LOC128462377: variants seen among roughly 807,000 people sequenced by gnomAD.
chr16:89,327,851 C>G, the LOC128462377 span, among the ~76,000 whole-genome samples: 1 of 152,112 alleles, frequency 6.6e-6, no homozygotes, highest in East Asian at 1.9e-4. Context: ...GACATGGCAA[C>G]AAAAGCACAA....
the LOC128462377 span, among the ~76,000 whole-genome samples, chr16:89,330,976 C>CA: frequency 4.9e-4 from 74 of 152,324 alleles, no homozygotes; most frequent in African/African-American, 1.7e-3. Context: ...TTTCTTGAGA[C>CA]GGAGTCTCAC....
At chr16:89,388,293 ATT>A in the LOC128462377 span, among the ~76,000 whole-genome samples, 660 of 85,266 alleles carry the variant, frequency 7.7e-3, 8 homozygotes, top group African/African-American at 0.026. Context: ...CATGAGGCTG[ATT>A]TTTTTTTTTT....
the LOC128462377 span, among the ~76,000 whole-genome samples, chr16:89,357,617 G>A: frequency 1.3e-5 from 2 of 152,162 alleles, no homozygotes; most frequent in South Asian, 4.1e-4. Flanking sequence ...AAACCCGAGT[G>A]TCCCCTGGCG....
At chr16:89,324,008 T>C in the LOC128462377 span, 131,537 of 213,912 alleles carry the variant, frequency 0.61, 41,340 homozygotes, top group Middle Eastern at 0.73. Flanking sequence ...ACCCCCAGTG[T>C]GCCCAGCTAC....
chr16:89,351,158 G>A, the LOC128462377 span, among the ~76,000 whole-genome samples: 3 of 152,214 alleles, frequency 2.0e-5, no homozygotes, highest in African/African-American at 4.8e-5. Flanking sequence ...ACAAGAGCTC[G>A]TCAAGAGCAC....
At chr16:89,398,211 T>C in the LOC128462377 span, among the ~76,000 whole-genome samples, 60 of 141,754 alleles carry the variant, frequency 4.2e-4, no homozygotes, top group African/African-American at 8.7e-4. Flanking sequence ...CAGCTGAAGA[T>C]TACCTGTGAC....
At chr16:89,346,672 G>T in the LOC128462377 span, among the ~76,000 whole-genome samples, 12 of 152,140 alleles carry the variant, frequency 7.9e-5, no homozygotes, top group African/African-American at 2.9e-4. Flanking sequence ...TAGGAATTTC[G>T]AATATTCAAA....
chr16:89,356,311 C>T, the LOC128462377 span, among the ~76,000 whole-genome samples: 5 of 151,702 alleles, frequency 3.3e-5, no homozygotes, highest in Admixed American at 1.3e-4. Context: ...TCCAGAGACA[C>T]GCACAGTTCT....
chr16:89,404,829 G>A, the LOC128462377 span, among the ~76,000 whole-genome samples: 3 of 152,222 alleles, frequency 2.0e-5, no homozygotes, highest in East Asian at 1.9e-4. Flanking sequence ...CCACCTTGAC[G>A]CTGAATGTAC....
At chr16:89,387,021 G>A in the LOC128462377 span, among the ~76,000 whole-genome samples, 2 of 152,006 alleles carry the variant, frequency 1.3e-5, no homozygotes, top group South Asian at 2.1e-4. Context: ...GAGGCCGCCC[G>A]TGGTGACAGG....
the LOC128462377 span, among the ~76,000 whole-genome samples, chr16:89,395,066 C>T: frequency 1.3e-5 from 2 of 152,156 alleles, no homozygotes; most frequent in East Asian, 3.8e-4. Context: ...TTTGGAAAAA[C>T]AAAGACAAAT....
the LOC128462377 span, among the ~76,000 whole-genome samples, chr16:89,388,840 CA>C: frequency 6.6e-6 from 1 of 152,162 alleles, no homozygotes; most frequent in African/African-American, 2.4e-5. Context: ...ATGATGAACC[CA>C]AAACTGAACC....
the LOC128462377 span, among the ~76,000 whole-genome samples, chr16:89,351,128 G>A: frequency 2.2e-4 from 34 of 152,312 alleles, no homozygotes; most frequent in African/African-American, 5.5e-4. Context: ...GAGAATGCAC[G>A]GGAGTGGACG....
the LOC128462377 span, among the ~76,000 whole-genome samples, chr16:89,390,432 A>C: frequency 1.3e-5 from 2 of 152,184 alleles, no homozygotes; most frequent in African/African-American, 4.8e-5. Flanking sequence ...GCAGGAGCCT[A>C]ACCAACGGTA....
At chr16:89,379,143 C>T in the LOC128462377 span, among the ~76,000 whole-genome samples, 1 of 152,204 alleles carries the variant, frequency 6.6e-6, no homozygotes, top group Non-Finnish European at 1.5e-5. Context: ...GAAGGTGGGG[C>T]CGGCCCCCAT....
the LOC128462377 span, among the ~76,000 whole-genome samples, chr16:89,397,588 G>T: frequency 6.6e-6 from 1 of 152,256 alleles, no homozygotes; most frequent in Non-Finnish European, 1.5e-5. Flanking sequence ...ACAAAGGTGT[G>T]CATGGCAAGG....
the LOC128462377 span, among the ~76,000 whole-genome samples, chr16:89,389,525 A>G: frequency 1.3e-5 from 2 of 152,198 alleles, no homozygotes; most frequent in African/African-American, 4.8e-5. Flanking sequence ...GTCAAAAACT[A>G]AAAACACGGA....
At chr16:89,355,506 A>C in the LOC128462377 span, among the ~76,000 whole-genome samples, 1 of 152,184 alleles carries the variant, frequency 6.6e-6, no homozygotes, top group African/African-American at 2.4e-5. Context: ...TCAGGGGTGA[A>C]CGTGGCCCCA....
At chr16:89,335,211 G>A in the LOC128462377 span, among the ~76,000 whole-genome samples, 1 of 152,134 alleles carries the variant, frequency 6.6e-6, no homozygotes, top group African/African-American at 2.4e-5. Flanking sequence ...CCATTGTCCT[G>A]GCGTTCCATG....
Sources: gnomAD v4.1 joint callset for allele counts (sites outside exome capture counted in the v4.1 genomes callset) on GRCh38, gnomAD v4.1.1 for gene constraint, MANE v1.5 for transcripts.